WDR27: variants seen among roughly 807,000 people sequenced by gnomAD.
The protein encoded by WDR27 is WD repeat domain 27.
WDR27 carries 100 observed loss-of-function variants against 114.4 expected under a neutral mutation model. That is an observed-to-expected ratio of 0.87 (90% CI 0.74 to 1.03). The LOEUF (loss-of-function observed/expected upper bound fraction) is 1.03, where lower values mean the gene tolerates loss of function less well. Among genes scored for constraint, WDR27 ranks in the 50% least tolerant of loss-of-function variants. The pLI, the probability that WDR27 is intolerant of heterozygous loss-of-function variation, is 0.00. For synonymous variants in WDR27, 449 were observed against 423.1 expected (o/e 1.06, Z -0.75); for missense variants, 1,129 against 1,092.9 (o/e 1.03, Z -0.47).
intron 20 of WDR27, 99 bp from the exon 21 acceptor site, chr6:169,633,167 G>T: frequency 7.8e-7 from 1 of 1,282,000 alleles, no homozygotes; most frequent in Non-Finnish European, 1.0e-6. Flanking sequence ...AATATTAGAA[G>T]ACTCATGAAT....
chr6:169,514,239 T>G (rs1793325829), intron 25 of WDR27, among the ~76,000 whole-genome samples: 1 of 151,658 alleles, frequency 6.6e-6, no homozygotes, highest in African/African-American at 2.4e-5. Context: ...TTAGTTCAAA[T>G]AATAGAACAA....
chr6:169,626,693 TC>T (rs911237628), intron 21 of WDR27, among the ~76,000 whole-genome samples: 1 of 152,186 alleles, frequency 6.6e-6, no homozygotes, highest in African/African-American at 2.4e-5. Flanking sequence ...TCACACCACG[TC>T]CGTGAGTAAG....
chr6:169,662,452 G>T (rs200301669), intron 8 of WDR27, 28 bp from the exon 9 acceptor site: 2 of 1,609,998 alleles, frequency 1.2e-6, no homozygotes, highest in East Asian at 4.5e-5. Flanking sequence ...GAGAATCTAA[G>T]AAGTGAACTT....
chr6:169,645,835 C>T (rs535229111), intron 16 of WDR27, among the ~76,000 whole-genome samples: 54 of 146,296 alleles, frequency 3.7e-4, no homozygotes, highest in Middle Eastern at 3.5e-3. Flanking sequence ...TGTAGAAAAG[C>T]CTAGTTCACA....
At chr6:169,438,976 GATT>G in the WDR27 span, among the ~76,000 whole-genome samples, 1 of 151,966 alleles carries the variant, frequency 6.6e-6, no homozygotes, top group Non-Finnish European at 1.5e-5. Flanking sequence ...AATGACATCT[GATT>G]ATATTTTAAT....
At chr6:169,661,796 A>T (rs1826189470) in intron 9 of WDR27, among the ~76,000 whole-genome samples, 1 of 152,242 alleles carries the variant, frequency 6.6e-6, no homozygotes, top group African/African-American at 2.4e-5. Context: ...ATTCAAAGCA[A>T]GGTTGCCCCC....
chr6:169,699,063 G>A (rs758225170), intron 1 of WDR27, among the ~76,000 whole-genome samples: 1 of 152,294 alleles, frequency 6.6e-6, no homozygotes, highest in Non-Finnish European at 1.5e-5. Context: ...AGGTTCAACT[G>A]CAACAACCTG....
chr6:169,613,681 GA>G (rs1407983189), intron 21 of WDR27, 25 bp from the exon 22 acceptor site: 12 of 1,583,570 alleles, frequency 7.6e-6, no homozygotes, highest in African/African-American at 1.3e-5. Flanking sequence ...GGGAAATCAA[GA>G]TGTACTTTCA....
intron 21 of WDR27, among the ~76,000 whole-genome samples, chr6:169,624,481 C>T (rs1814281195): frequency 6.6e-6 from 1 of 152,146 alleles, no homozygotes; most frequent in African/African-American, 2.4e-5. Flanking sequence ...CTCGGAACTG[C>T]TTAGGGAGCC....
intron 25 of WDR27, among the ~76,000 whole-genome samples, chr6:169,477,274 T>A (rs1370570463): frequency 1.3e-5 from 2 of 152,352 alleles, no homozygotes; most frequent in Non-Finnish European, 1.5e-5. Context: ...TGTTCATAAC[T>A]GAAATGGGCC....
chr6:169,433,048 G>T, the WDR27 span, among the ~76,000 whole-genome samples: 2 of 152,186 alleles, frequency 1.3e-5, no homozygotes, highest in Admixed American at 1.3e-4. Flanking sequence ...GAGAACTGGA[G>T]TAAAGGTGAC....
At chr6:169,562,642 G>A (rs77818513) in intron 25 of WDR27, among the ~76,000 whole-genome samples, 3,282 of 152,190 alleles carry the variant, frequency 0.022, 69 homozygotes, top group East Asian at 0.081. Context: ...TGAGTGCCCC[G>A]GGCACAGGAT....
At chr6:169,602,407 C>CT in intron 22 of WDR27, 86 bp from the exon 23 acceptor site, 1 of 849,074 alleles carries the variant, frequency 1.2e-6, no homozygotes, top group Non-Finnish European at 1.9e-6. Context: ...TGTTGCTTTT[C>CT]TTCACAAAAA....
intron 21 of WDR27, among the ~76,000 whole-genome samples, chr6:169,625,107 C>T (rs1015965227): frequency 5.3e-5 from 8 of 152,326 alleles, no homozygotes; most frequent in Middle Eastern, 3.4e-3. Flanking sequence ...CTGGAGTGTC[C>T]GCGCCAGCAG....
chr6:169,551,088 T>C (rs866786355), intron 25 of WDR27, among the ~76,000 whole-genome samples: 10 of 152,208 alleles, frequency 6.6e-5, no homozygotes, highest in Admixed American at 6.5e-5. Context: ...GAAAAATAAA[T>C]GAGGAAAAAT....
intron 25 of WDR27, among the ~76,000 whole-genome samples, chr6:169,557,398 G>T (rs1799059026): frequency 6.6e-6 from 1 of 152,202 alleles, no homozygotes; most frequent in Non-Finnish European, 1.5e-5. Flanking sequence ...GACTGGGGAC[G>T]TGGGGAAGAC....
chr6:169,529,717 A>T (rs981863171), intron 25 of WDR27, among the ~76,000 whole-genome samples: 2 of 152,224 alleles, frequency 1.3e-5, no homozygotes, highest in Admixed American at 1.3e-4. Flanking sequence ...AGAATACTAT[A>T]AGCACAAATC....
At chr6:169,572,785 G>A (rs1364533010) in intron 24 of WDR27, among the ~76,000 whole-genome samples, 1 of 152,094 alleles carries the variant, frequency 6.6e-6, no homozygotes, top group Non-Finnish European at 1.5e-5. Context: ...ATTTTTCTCA[G>A]TAATACTACT....
the WDR27 span, chr6:169,426,811 G>C: frequency 6.5e-6 from 1 of 152,686 alleles, no homozygotes; most frequent in Non-Finnish European, 1.5e-5. Flanking sequence ...AGAGGTGTGA[G>C]GGGCCACACC....
Sources: allele counts gnomAD v4.1 joint callset (sites outside exome capture counted in the v4.1 genomes callset), GRCh38; gene constraint gnomAD v4.1.1; transcripts MANE v1.5; gene names NCBI Gene and HGNC (gene_info 2026-07-23, HGNC 2026-07-21).